The following ZNF57 variants were observed in gnomAD, a reference collection of about 807,000 sequenced individuals.
ZNF57 encodes the protein zinc finger protein 57.
In ZNF57, 11 loss-of-function variants were observed where a neutral mutation model predicts 13.4. The ratio of observed to expected loss-of-function variants is 0.82; its 90% CI spans 0.52 to 1.36. The LOEUF is 1.36. Ranked by LOEUF, ZNF57 falls within the 40% of genes most tolerant of loss-of-function variation. The pLI is 0.00. For synonymous variants in ZNF57, 224 were observed against 238.5 expected (o/e 0.94, Z 0.56); for missense variants, 696 against 667.5 (o/e 1.04, Z -0.47).
At chr19:2,902,556 T>C (rs2088039072) in intron 1 of ZNF57, among the ~76,000 whole-genome samples, 1 of 152,132 alleles carries the variant, frequency 6.6e-6, no homozygotes, top group African/African-American at 2.4e-5. Context: ...ATAAAAATAG[T>C]AGTTTTTCAA....
chr19:2,916,544 C>T (rs1251878719), intron 3 of ZNF57: 2 of 252,190 alleles, frequency 7.9e-6, no homozygotes, highest in African/African-American at 2.3e-5. Context: ...AAACCCGCCT[C>T]TACTAAAAAT....
rs371789463 is a variant in ZNF57, at chr19:2,917,415, C to G, written c.794C>G (p.Ser265Trp). The change falls in exon 4 of 4, where the codon TCG becomes TGG. Residue 265 changes from serine (S) to tryptophan (W), a missense_variant. This residue lies in a region of ZNF57 where 645 missense variants were observed against 591.5 expected (regional missense o/e 1.09). Coordinates refer to ENST00000306908, the MANE Select transcript of ZNF57 (RefSeq NM_173480.3). Reference sequence around the variant, plus strand: ...TGTGGGAGAGCCTTCATTTATCCCTCGACATTTCAAAGACACATGACAACA... The same window carrying G: ...TGTGGGAGAGCCTTCATTTATCCCTGGACATTTCAAAGACACATGACAACA... ...QECGRAFIYPSTFQRHMTTHT... is the reference protein window; with the variant it reads ...QECGRAFIYPWTFQRHMTTHT... The G allele has an allele frequency of 1.0e-4, 164 of 1,614,036 alleles. No homozygotes were observed. Among genetic ancestry groups the G allele is most frequent in the Non-Finnish European group, 1.4e-4 (162 of 1,180,052 alleles).
At chr19:2,916,296 ATATC>A in intron 3 of ZNF57, 47 bp downstream of exon 3, 2 of 1,472,588 alleles carry the variant, frequency 1.4e-6, no homozygotes, top group Non-Finnish European at 1.8e-6. Context: ...AATTAAATAT[ATATC>A]TAAGTATTGC....
At position 2,917,011 on chromosome 19, in the gene ZNF57, CAAGA is replaced by C; in HGVS notation, c.394_397del (p.Lys132PhefsTer83). On this transcript the variant is annotated frameshift_variant, in exon 4 of 4. Transcript: ENST00000306908. LOFTEE classifies it low-confidence loss of function (END_TRUNC). ...ATCAAATGCCAGATCTTACCCTGCACAAGAAAGTTTCTGCTGGAGAAAAACCATA... is the reference window on the plus strand; with the variant it reads ...ATCAAATGCCAGATCTTACCCTGCACAAGTTTCTGCTGGAGAAAAACCATA... The C allele has an allele frequency of 3.7e-6, 6 of 1,614,168 alleles. No individual in the cohort carries two copies. Among genetic ancestry groups the C allele is most frequent in the Non-Finnish European group, 4.2e-6 (5 of 1,180,030 alleles).
chr19:2,901,807 G>A (rs1436464244), intron 1 of ZNF57, among the ~76,000 whole-genome samples: 3 of 152,128 alleles, frequency 2.0e-5, no homozygotes, highest in Non-Finnish European at 4.4e-5. Flanking sequence ...GTGAGCCACC[G>A]CGCCCGGCAA....
chr19:2,909,285 T>TTTA (rs1568180674), intron 1 of ZNF57, among the ~76,000 whole-genome samples: 20 of 129,686 alleles, frequency 1.5e-4, no homozygotes, highest in Admixed American at 1.6e-4. Context: ...ATTTTTGTTT[T>TTTA]TTTTTTTTTT....
rs1177115067 is a variant in ZNF57, at chr19:2,918,367, G to T, written c.*78G>T. 3.1e-5 allele frequency: 44 copies of T among 1,441,122 alleles called. No homozygotes were observed. Among genetic ancestry groups the T allele is most frequent in the African/African-American group, 5.7e-5 (4 of 70,206 alleles). The allele number at this position is 1,441,122 out of a possible 1,614,324, so 89.3% of individuals were successfully genotyped here. On this transcript the variant is annotated 3_prime_UTR_variant, in exon 4 of 4. Transcript: ENST00000306908. Reference sequence around the variant, plus strand: ...GCTCCAGAAAATTCACACCAGGAGAGAAATCTTACAAGTATGATATTGTCT... The same window carrying T: ...GCTCCAGAAAATTCACACCAGGAGATAAATCTTACAAGTATGATATTGTCT...
chr19:2,909,470 C>T (rs188491655), intron 1 of ZNF57, among the ~76,000 whole-genome samples: 1 of 53,086 alleles, frequency 1.9e-5, no homozygotes, highest in African/African-American at 4.8e-5. Context: ...TTAGTAGAGA[C>T]GGGGTTTCAC....
At position 2,916,799 on chromosome 19, in the gene ZNF57, T is replaced by C. The variant is rs2088203147; in HGVS notation, c.303-125T>C. ...TTAAAAAATATGTCTCTTCAAACAA[T>C]TCAGAATAGAAAAACTTCACGTATA... is the stretch of plus-strand genomic sequence containing the variant. On this transcript the variant is annotated intron_variant, in intron 3 of 3. Transcript: ENST00000306908. 5.1e-6 allele frequency: 4 copies of C among 779,644 alleles called. No homozygotes were observed. The South Asian group carries it at 9.2e-5, about 18-fold the overall frequency. The allele number at this position is 779,644 out of a possible 1,614,324, so 48.3% of individuals were successfully genotyped here.
In ZNF57 at chr19:2,909,512, T is replaced by G. The variant is rs1315465983; in HGVS notation, c.4-6010T>G. On this transcript the variant is annotated intron_variant, in intron 1 of 3. Transcript: ENST00000306908. ...AGCCAGGATAGTCTTGACGTCGTGA[T>G]CCGCACGCCTCGGCCTCCCAAAGTG... 3.9e-5 allele frequency among the ~76,000 whole-genome samples: 2 copies of G among 51,160 alleles called. 1 individual carries two copies. Among genetic ancestry groups the G allele is most frequent in the East Asian group, 7.4e-4 (2 of 2,704 alleles). 33.6% of individuals were successfully genotyped at this position (51,160 alleles called of 152,430 possible). A position where few individuals can be genotyped will look rare whatever the true frequency, so the allele number is the denominator to read the frequency against.
intron 1 of ZNF57, among the ~76,000 whole-genome samples, chr19:2,909,283 T>G (rs971514352): frequency 8.6e-5 from 10 of 116,440 alleles, no homozygotes; most frequent in African/African-American, 3.0e-4. Flanking sequence ...TTATTTTTGT[T>G]TTTTTTTTTT....
chr19:2,917,719 T>C lies in ZNF57; in HGVS notation c.1098T>C (p.Cys366=), dbSNP rs1326249446. The change falls in exon 4 of 4, where the codon TGT becomes TGC. Residue 366 remains cysteine (C), a synonymous_variant. Coordinates refer to ENST00000306908, the MANE Select transcript of ZNF57 (RefSeq NM_173480.3). The part of the protein sequence containing the change: ...RTHTGEKPYE[C]KQCGKAFTWS... ...ACACTGGAGAGAAACCTTATGAGTG[T>C]AAACAATGTGGGAAAGCCTTCACTT... The C allele has an allele frequency of 1.9e-6, 3 of 1,613,530 alleles. No individual in the cohort carries two copies. Among genetic ancestry groups the C allele is most frequent in the Non-Finnish European group, 2.5e-6 (3 of 1,179,888 alleles).
intron 1 of ZNF57, among the ~76,000 whole-genome samples, chr19:2,909,065 T>C (rs2088105595): frequency 6.6e-6 from 1 of 152,118 alleles, no homozygotes. Flanking sequence ...TCATATCTAC[T>C]GTGTGGGCTG....
At chr19:2,908,011 G>GC (rs2088091523) in intron 1 of ZNF57, among the ~76,000 whole-genome samples, 1 of 152,174 alleles carries the variant, frequency 6.6e-6, no homozygotes, top group African/African-American at 2.4e-5. Flanking sequence ...ACCTCACAGG[G>GC]CCCCAATCAA....
Position 2,917,136 on chromosome 19 carries a change from A to G in ZNF57, c.515A>G (p.Glu172Gly), listed in dbSNP as rs1486941829. ...GGACGAAAAGCACCTCCAGGTGAGG[A>G]ATGTAAGCAGGCCTGCATTTGTCCC... ...HCGRKAPPGEECKQACICPSH... is the reference protein window; with the variant it reads ...HCGRKAPPGEGCKQACICPSH... The change falls in exon 4 of 4, where the codon GAA becomes GGA. Residue 172 changes from glutamate (E) to glycine (G), a missense_variant. Physicochemically the swap from Glu to Gly is moderately conservative, Grantham distance 98. Around this residue, in one of 3 missense-constraint regions of ZNF57, gnomAD observed 645 missense variants for 591.5 expected, o/e 1.09. Coordinates refer to ENST00000306908, the MANE Select transcript of ZNF57 (RefSeq NM_173480.3). The G allele has an allele frequency of 6.2e-7, 1 of 1,614,068 alleles. No individual in the cohort carries two copies. Among genetic ancestry groups the G allele is most frequent in the East Asian group, 2.2e-5 (1 of 44,890 alleles).
intron 1 of ZNF57, among the ~76,000 whole-genome samples, chr19:2,901,525 A>ATT (rs57886225): frequency 0.82 from 123,870 of 151,228 alleles, 51,135 homozygotes; most frequent in Non-Finnish European, 0.88. Context: ...TTATTTTTTT[A>ATT]TTTTTTTTAT....
rs2088236982 is a variant in ZNF57, at chr19:2,918,376, C to G, written c.*87C>G. ...AATTCACACCAGGAGAGAAATCTTA[C>G]AAGTATGATATTGTCTTTGTCAATA... On this transcript the variant is annotated 3_prime_UTR_variant, in exon 4 of 4. Transcript: ENST00000306908. 4 of 1,400,856 alleles carry G rather than the reference C, an allele frequency of 2.9e-6. No individual in the cohort carries two copies. The highest frequency in any genetic ancestry group is 2.4e-5 in the Admixed American group (1 of 42,458). The allele number at this position is 1,400,856 out of a possible 1,614,324, so 86.8% of individuals were successfully genotyped here. A position where few individuals can be genotyped will look rare whatever the true frequency, so the allele number is the denominator to read the frequency against.
rs202210927 is a variant in ZNF57 at position 2,903,183 on chromosome 19, G to GC, written c.3+2137dup. ...GAGGTTGCACCTGTGCTGTCTTGGA[G>GC]CCGTTTCTAAGCAGTGGGTTTAGTT... On this transcript the variant is annotated intron_variant, in intron 1 of 3. Transcript: ENST00000306908. Among the ~76,000 whole-genome samples, 1,285 of 152,306 alleles carry GC rather than the reference G, an allele frequency of 8.4e-3. 11 individuals carry two copies. The highest frequency in any genetic ancestry group is 0.013 in the Non-Finnish European group (869 of 68,026).
Position 2,918,444 on chromosome 19 carries a change from C to G in ZNF57, c.*155C>G, listed in dbSNP as rs2088237852. On this transcript the variant is annotated 3_prime_UTR_variant, in exon 4 of 4. Coordinates refer to ENST00000306908, the MANE Select transcript of ZNF57 (RefSeq NM_173480.3). ...ACCCATTAGTCGTGAATTTCCAGCT[C>G]TTTCAAAAATAAATGTTTATGTGAG... 1.3e-6 allele frequency: 1 copy of G among 796,282 alleles called. No individual in the cohort carries two copies. Among genetic ancestry groups the G allele is most frequent in the African/African-American group, 1.7e-5 (1 of 57,458 alleles). 49.3% of individuals were successfully genotyped at this position (796,282 alleles called of 1,614,324 possible).
Sources: allele counts gnomAD v4.1 joint callset (sites outside exome capture counted in the v4.1 genomes callset), GRCh38; gene constraint gnomAD v4.1.1; regional missense constraint gnomAD v4.1.1; transcripts MANE v1.5; gene names NCBI Gene and HGNC (gene_info 2026-07-23, HGNC 2026-07-21).